Variants in BIRC6 observed in about 807,000 individuals in gnomAD.
BIRC6 encodes baculoviral IAP repeat containing 6, also known as dual E2 ubiquitin-conjugating enzyme/E3 ubiquitin-protein ligase BIRC6.
A neutral mutation model predicts 503.3 loss-of-function variants in BIRC6; 98 were observed. That is an observed-to-expected ratio of 0.19 (90% CI 0.17 to 0.23). The LOEUF (loss-of-function observed/expected upper bound fraction) is 0.23, where lower values mean the gene tolerates loss of function less well. BIRC6 is among the 10% of genes least tolerant of loss of function. The pLI, the probability that BIRC6 is intolerant of heterozygous loss-of-function variation, is 1.00. For synonymous variants in BIRC6, 2,240 were observed against 2,078.7 expected (o/e 1.08, Z -2.11); for missense variants, 5,360 against 5,806.0 (o/e 0.92, Z 2.50).
chr2:32,618,076 G>A lies in BIRC6; in HGVS notation c.*172G>A. ...TGATCTTTTATTTACCTGTACAGGA[G>A]TGTAAACTTTTTTGTGCTTTTATTT... is the stretch of plus-strand genomic sequence containing the variant. On this transcript the variant is annotated 3_prime_UTR_variant, in exon 74 of 74. Coordinates refer to ENST00000421745, the MANE Select transcript of BIRC6 (RefSeq NM_016252.4). 1.7e-6 allele frequency: 1 copy of A among 586,314 alleles called. No individual in the cohort carries two copies. Among genetic ancestry groups the A allele is most frequent in the Non-Finnish European group, 2.7e-6 (1 of 375,966 alleles). The allele number at this position is 586,314 out of a possible 1,614,324, so 36.3% of individuals were successfully genotyped here. A position where few individuals can be genotyped will look rare whatever the true frequency, so the allele number is the denominator to read the frequency against.
chr2:32,617,897 A>G lies in BIRC6; in HGVS notation c.14567A>G (p.Gln4856Arg). 1 of 1,612,526 alleles carries G rather than the reference A, an allele frequency of 6.2e-7. No homozygotes were observed. The part of the protein sequence containing the change: ...SSSKELPSDF[Q>R]L Reference sequence around the variant, plus strand: ...AGCAAAGAACTCCCCAGTGACTTCCAGTTATGAGCTGCATTGATGTGGACT... The same window carrying G: ...AGCAAAGAACTCCCCAGTGACTTCCGGTTATGAGCTGCATTGATGTGGACT... The change falls in exon 74 of 74, where the codon CAG (glutamine) becomes CGG (arginine). Residue 4856 changes from glutamine (Q) to arginine (R), a missense_variant. By Grantham distance (43) the Gln-to-Arg change is conservative. This residue lies in a region of BIRC6 where 140 missense variants were observed against 130.2 expected (regional missense o/e 1.07). Transcript: ENST00000421745.
intron 23 of BIRC6, among the ~76,000 whole-genome samples, chr2:32,459,187 C>T (rs559833966): frequency 2.7e-4 from 41 of 152,248 alleles, no homozygotes; most frequent in Admixed American, 9.8e-4. Context: ...CATCCATTAG[C>T]GTTTTCTCCC....
intron 21 of BIRC6, among the ~76,000 whole-genome samples, chr2:32,448,200 T>A (rs1260006227): frequency 2.3e-5 from 1 of 43,840 alleles, no homozygotes; most frequent in Admixed American, 2.5e-4. Context: ...GCTCCTCATA[T>A]CCCAGACGAT....
chr2:32,490,031 T>C lies in BIRC6; in HGVS notation c.8096-10T>C. 6.4e-7 allele frequency: 1 copy of C among 1,569,036 alleles called. No individual in the cohort carries two copies. The highest frequency in any genetic ancestry group is 8.8e-7 in the Non-Finnish European group (1 of 1,141,306). ...CTGAAAAATATTTTCCCTTTCTCTT[T>C]TCTGCATAGCATCAATAACTAGCTT... On this transcript the variant is annotated splice_polypyrimidine_tract_variant and intron_variant, in intron 42 of 73. Coordinates refer to ENST00000421745, the MANE Select transcript of BIRC6 (RefSeq NM_016252.4).
intron 53 of BIRC6, among the ~76,000 whole-genome samples, chr2:32,512,039 G>C (rs2054507556): frequency 6.6e-6 from 1 of 152,082 alleles, no homozygotes; most frequent in South Asian, 2.1e-4. Flanking sequence ...AGAAAATTAA[G>C]CTTAATTCAT....
chr2:32,559,951 G>C (rs2059047918), intron 65 of BIRC6, among the ~76,000 whole-genome samples: 1 of 152,154 alleles, frequency 6.6e-6, no homozygotes, highest in Middle Eastern at 3.4e-3. Context: ...GGGAGGCGGA[G>C]GTTGCAGTGA....
At chr2:32,484,499 C>G (rs1033312237) in intron 39 of BIRC6, among the ~76,000 whole-genome samples, 3 of 142,210 alleles carry the variant, frequency 2.1e-5, no homozygotes, top group Admixed American at 7.3e-5. Flanking sequence ...TGCAGTGAGC[C>G]AAGATCGTGC....
At chr2:32,390,769 C>A (rs960169359) in intron 4 of BIRC6, among the ~76,000 whole-genome samples, 1 of 152,174 alleles carries the variant, frequency 6.6e-6, no homozygotes, top group African/African-American at 2.4e-5. Flanking sequence ...TATGGCTCTT[C>A]TAGTTCAGTA....
At chr2:32,474,220 A>G (rs936587464) in intron 33 of BIRC6, among the ~76,000 whole-genome samples, 2 of 152,032 alleles carry the variant, frequency 1.3e-5, no homozygotes, top group East Asian at 3.8e-4. Flanking sequence ...TAGACTTGGC[A>G]ATACGTTTTT....
rs534928976 is a variant in BIRC6, at chr2:32,478,582, G to C, written c.7069-53G>C. Reference sequence around the variant, plus strand: ...TATTGGTAGACTTCTGTTAGTGTTTGAAAAAACATGTAATTGCTATTTAAG... The same window carrying C: ...TATTGGTAGACTTCTGTTAGTGTTTCAAAAAACATGTAATTGCTATTTAAG... On this transcript the variant is annotated intron_variant, in intron 35 of 73. Transcript: ENST00000421745. 6.3e-5 allele frequency: 94 copies of C among 1,502,316 alleles called. 4 individuals carry two copies. In the South Asian group the frequency reaches 1.2e-3, roughly 19 times the overall value. 93.1% of individuals were successfully genotyped at this position (1,502,316 alleles called of 1,614,324 possible).
At chr2:32,375,062 C>T (rs2036546596) in intron 1 of BIRC6, among the ~76,000 whole-genome samples, 1 of 151,916 alleles carries the variant, frequency 6.6e-6, no homozygotes, top group Admixed American at 6.6e-5. Context: ...ACATATACAC[C>T]TTTTGTGTAT....
At chr2:32,496,390 A>C (rs983340592) in intron 45 of BIRC6, among the ~76,000 whole-genome samples, 2 of 151,800 alleles carry the variant, frequency 1.3e-5, no homozygotes, top group Non-Finnish European at 2.9e-5. Context: ...TGCCTGGCTA[A>C]TTTTTGTATT....
intron 10 of BIRC6, among the ~76,000 whole-genome samples, chr2:32,423,440 A>G (rs953728148): frequency 6.6e-6 from 1 of 152,180 alleles, no homozygotes; most frequent in African/African-American, 2.4e-5. Flanking sequence ...AAACTCTGTA[A>G]CCATTAAGCA....
At chr2:32,598,523 A>G (rs909827021) in intron 69 of BIRC6, among the ~76,000 whole-genome samples, 9 of 152,280 alleles carry the variant, frequency 5.9e-5, no homozygotes, top group African/African-American at 2.2e-4. Context: ...ACAATAATAT[A>G]TAATCTCTAC....
intron 19 of BIRC6, among the ~76,000 whole-genome samples, chr2:32,442,747 C>G (rs763542556): frequency 1.4e-4 from 21 of 152,284 alleles, no homozygotes; most frequent in Non-Finnish European, 2.9e-4. Flanking sequence ...CCTTTTCACT[C>G]CTACTTTCCT....
intron 19 of BIRC6, 91 bp downstream of exon 19, chr2:32,442,546 T>C: frequency 7.6e-7 from 1 of 1,313,798 alleles, no homozygotes; most frequent in Non-Finnish European, 1.0e-6. Flanking sequence ...TTGATCCTTG[T>C]TTAATGTATG....
At chr2:32,508,393 T>A in intron 51 of BIRC6, 134 bp downstream of exon 51, 1 of 1,194,256 alleles carries the variant, frequency 8.4e-7, no homozygotes, top group Non-Finnish European at 1.1e-6. Context: ...GGTATCTGTA[T>A]AATACAATTT....
rs748165963 is a variant in BIRC6 at position 32,481,635 on chromosome 2, G to A, written c.7542+182G>A. 5.3e-5 allele frequency among the ~76,000 whole-genome samples: 8 copies of A among 152,092 alleles called. No individual in the cohort carries two copies. In the South Asian group the frequency reaches 1.5e-3, roughly 28 times the overall value. ...GAAAAAATTAGCTGGACGTGGTGGC[G>A]GGCACCTGTAGTCCCAGCTGCTTGG... On this transcript the variant is annotated intron_variant, in intron 38 of 73. Transcript: ENST00000421745.
At chr2:32,531,857 A>G (rs1266404075) in intron 61 of BIRC6, among the ~76,000 whole-genome samples, 1 of 152,168 alleles carries the variant, frequency 6.6e-6, no homozygotes, top group East Asian at 1.9e-4. Context: ...GATATTTATT[A>G]GAGATATTAT....
Sources: allele counts gnomAD v4.1 joint callset (sites outside exome capture counted in the v4.1 genomes callset), GRCh38; gene constraint gnomAD v4.1.1; regional missense constraint gnomAD v4.1.1; transcripts MANE v1.5; gene names NCBI Gene and HGNC (gene_info 2026-07-23, HGNC 2026-07-21).